PLPPR1: variants seen among roughly 807,000 people sequenced by gnomAD.
PLPPR1 encodes phospholipid phosphatase related 1, also known as phospholipid phosphatase-related protein type 1.
Under a neutral mutation model 33.1 loss-of-function variants are expected in PLPPR1, and 10 were observed. That is an observed-to-expected ratio of 0.30 (90% CI 0.19 to 0.51). The LOEUF is 0.51. Among genes scored for constraint, PLPPR1 ranks in the 20% least tolerant of loss-of-function variants. PLPPR1 has a pLI of 0.97. For missense variants in PLPPR1, 304 were observed against 408.1 expected (o/e 0.74, Z 2.20); for synonymous variants, 151 against 151.0 (o/e 1.00, Z 0.00).
chr9:101,292,642 C>G (rs985488101), intron 4 of PLPPR1, among the ~76,000 whole-genome samples: 2 of 151,594 alleles, frequency 1.3e-5, no homozygotes, highest in African/African-American at 4.9e-5. Flanking sequence ...GCGGGGGGGG[C>G]CAATATTCAA....
chr9:101,117,338 T>C (rs1225816126), intron 1 of PLPPR1, among the ~76,000 whole-genome samples: 1 of 152,050 alleles, frequency 6.6e-6, no homozygotes, highest in Non-Finnish European at 1.5e-5. Flanking sequence ...AAGAGTGACC[T>C]CTAGTTGTCC....
At chr9:101,305,647 G>A (rs1171531114) in intron 4 of PLPPR1, among the ~76,000 whole-genome samples, 1 of 152,138 alleles carries the variant, frequency 6.6e-6, no homozygotes, top group African/African-American at 2.4e-5. Flanking sequence ...GAGCAGTCTG[G>A]TTCTGTACTT....
At chr9:101,112,161 A>G (rs561852007) in intron 1 of PLPPR1, among the ~76,000 whole-genome samples, 1 of 152,306 alleles carries the variant, frequency 6.6e-6, no homozygotes, top group South Asian at 2.1e-4. Context: ...CTTAACACCT[A>G]GTTTGTCACT....
At chr9:101,272,031 A>C (rs1366746574) in intron 3 of PLPPR1, among the ~76,000 whole-genome samples, 1 of 144,128 alleles carries the variant, frequency 6.9e-6, no homozygotes, top group African/African-American at 2.6e-5. Context: ...AATACAGTTA[A>C]GAAAACATAT....
intron 2 of PLPPR1, among the ~76,000 whole-genome samples, chr9:101,268,670 T>A (rs1280765040): frequency 6.6e-6 from 1 of 152,192 alleles, no homozygotes; most frequent in African/African-American, 2.4e-5. Context: ...AATAAGAACT[T>A]TAGTCTTCTT....
intron 1 of PLPPR1, among the ~76,000 whole-genome samples, chr9:101,175,706 T>C (rs1826009227): frequency 6.6e-6 from 1 of 152,222 alleles, no homozygotes; most frequent in South Asian, 2.1e-4. Flanking sequence ...GAATAAATTA[T>C]ATGGCTTGTT....
chr9:101,260,762 G>A (rs962100838), intron 2 of PLPPR1, among the ~76,000 whole-genome samples: 5 of 152,074 alleles, frequency 3.3e-5, no homozygotes, highest in Non-Finnish European at 1.5e-5. Flanking sequence ...ATCAATATAA[G>A]AATGGAAGCC....
intron 3 of PLPPR1, among the ~76,000 whole-genome samples, chr9:101,271,450 C>G (rs868767449): frequency 9.8e-5 from 15 of 152,308 alleles, no homozygotes; most frequent in African/African-American, 3.6e-4. Flanking sequence ...AATGAAATTC[C>G]ACTGAGAACC....
At chr9:101,114,505 C>G (rs1018491149) in intron 1 of PLPPR1, among the ~76,000 whole-genome samples, 1 of 152,198 alleles carries the variant, frequency 6.6e-6, no homozygotes, top group East Asian at 1.9e-4. Flanking sequence ...CCCAAGGTCA[C>G]TCTGCAGGGA....
chr9:101,203,056 A>G (rs1826521156), intron 2 of PLPPR1, among the ~76,000 whole-genome samples: 1 of 152,212 alleles, frequency 6.6e-6, no homozygotes, highest in Admixed American at 6.5e-5. Flanking sequence ...AAGACCTCAA[A>G]TCATCGATTT....
intron 1 of PLPPR1, among the ~76,000 whole-genome samples, chr9:101,053,854 AT>A (rs1830251915): frequency 6.6e-6 from 1 of 152,162 alleles, no homozygotes; most frequent in Non-Finnish European, 1.5e-5. Context: ...ATGGCCTCTG[AT>A]ACTTCACAAA....
intron 4 of PLPPR1, among the ~76,000 whole-genome samples, chr9:101,293,315 G>A (rs1281613243): frequency 2.0e-5 from 3 of 151,686 alleles, no homozygotes; most frequent in Admixed American, 6.6e-5. Context: ...AGTCCTGAGT[G>A]ACCTACAAGG....
chr9:101,244,875 G>A (rs1033554861), intron 2 of PLPPR1, among the ~76,000 whole-genome samples: 2 of 151,814 alleles, frequency 1.3e-5, no homozygotes, highest in Non-Finnish European at 2.9e-5. Context: ...TCAACTAAAA[G>A]AAAAATAGAA....
intron 1 of PLPPR1, among the ~76,000 whole-genome samples, chr9:101,133,834 G>A (rs553184150): frequency 2.1e-4 from 32 of 152,302 alleles, no homozygotes; most frequent in African/African-American, 6.5e-4. Context: ...GTGGTTATAA[G>A]CTTAGACAAC....
At chr9:101,117,771 C>T (rs1371931843) in intron 1 of PLPPR1, among the ~76,000 whole-genome samples, 1 of 152,102 alleles carries the variant, frequency 6.6e-6, no homozygotes, top group Non-Finnish European at 1.5e-5. Context: ...GAGATACTAC[C>T]TCTTTCAAAA....
intron 2 of PLPPR1, among the ~76,000 whole-genome samples, chr9:101,253,528 G>A (rs1386125974): frequency 6.6e-6 from 1 of 151,818 alleles, no homozygotes; most frequent in Non-Finnish European, 1.5e-5. Flanking sequence ...TTGACTGAGT[G>A]AGACTTTGTC....
chr9:101,315,205 A>T (rs1209210736), intron 6 of PLPPR1, among the ~76,000 whole-genome samples: 2 of 151,968 alleles, frequency 1.3e-5, no homozygotes, highest in Non-Finnish European at 2.9e-5. Context: ...TTTCCATCTG[A>T]CTGTATTTTT....
chr9:101,302,705 G>A (rs1258546779), intron 4 of PLPPR1, among the ~76,000 whole-genome samples: 1 of 152,122 alleles, frequency 6.6e-6, no homozygotes, highest in African/African-American at 2.4e-5. Flanking sequence ...CCTGCCATTT[G>A]CTTGTACTTT....
chr9:101,294,536 T>C (rs980078806), intron 4 of PLPPR1, among the ~76,000 whole-genome samples: 2 of 151,806 alleles, frequency 1.3e-5, no homozygotes. Context: ...TGATGAACAT[T>C]GATGCAAAAA....
Sources: gnomAD v4.1 joint callset for allele counts (sites outside exome capture counted in the v4.1 genomes callset) on GRCh38, gnomAD v4.1.1 for gene constraint, MANE v1.5 for transcripts, NCBI Gene and HGNC (gene_info 2026-07-23, HGNC 2026-07-21) for gene names.